Variants in TMTC1 observed in about 807,000 individuals in gnomAD.
TMTC1 encodes transmembrane O-mannosyltransferase targeting cadherins 1.
A neutral mutation model predicts 104.8 loss-of-function variants in TMTC1; 73 were observed. The ratio of observed to expected loss-of-function variants is 0.70; its 90% CI spans 0.58 to 0.85. TMTC1 has a LOEUF of 0.85. Among genes scored for constraint, TMTC1 ranks in the 40% least tolerant of loss-of-function variants. The probability of loss-of-function intolerance (pLI) is 0.00; values close to 1 mark genes in which losing one functional copy is unlikely to be tolerated. For synonymous variants in TMTC1, 434 were observed against 428.7 expected, an observed-to-expected ratio of 1.01 and a Z score of -0.15; for missense variants, 1,035 against 1,096.1, an observed-to-expected ratio of 0.94 and a Z score of 0.79.
chr12:29,583,382 T>C (rs1353875311), intron 8 of TMTC1, 25 bp downstream of exon 8: 5 of 1,596,290 alleles, frequency 3.1e-6, no homozygotes, highest in East Asian at 4.5e-5. Flanking sequence ...CAGGAAGATA[T>C]TTATTTTTAT....
chr12:29,586,705 G>A (rs1442444496), intron 7 of TMTC1, among the ~76,000 whole-genome samples: 1 of 148,358 alleles, frequency 6.7e-6, no homozygotes, highest in Admixed American at 6.6e-5. Flanking sequence ...TGTGGTTTTT[G>A]TCTTTGGTTC....
chr12:29,530,663 C>T (rs1250862440), intron 11 of TMTC1, among the ~76,000 whole-genome samples: 1 of 152,212 alleles, frequency 6.6e-6, no homozygotes, highest in Non-Finnish European at 1.5e-5. Flanking sequence ...TGCCCTTCCT[C>T]CTTCAAAGCA....
chr12:29,502,376 A>G lies in TMTC1; in HGVS notation c.*4470T>C, dbSNP rs1943613109. The G allele has an allele frequency of 6.6e-6, 1 of 151,862 alleles. No individual in the cohort carries two copies. The highest frequency in any genetic ancestry group is 2.1e-4 in the South Asian group (1 of 4,824). The allele number at this position is 151,862 out of a possible 1,614,324, so 9.4% of individuals were successfully genotyped here. On this transcript the variant is annotated 3_prime_UTR_variant, in exon 18 of 18. Coordinates refer to ENST00000539277, the MANE Select transcript of TMTC1 (RefSeq NM_001193451.2). The stretch of plus-strand genomic sequence containing the variant: ...TCAAAAACAGATTCTAACAAGTACA[A>G]AGAAATAATTAACAAAAGCTCATGT...
chr12:29,511,476 T>C (rs1943835868), intron 17 of TMTC1, among the ~76,000 whole-genome samples: 1 of 152,144 alleles, frequency 6.6e-6, no homozygotes, highest in Non-Finnish European at 1.5e-5. Flanking sequence ...TTCATTGCAT[T>C]AGTTACAGAT....
chr12:29,538,125 T>C (rs1291768647), intron 10 of TMTC1, among the ~76,000 whole-genome samples: 4 of 152,152 alleles, frequency 2.6e-5, no homozygotes, highest in Non-Finnish European at 4.4e-5. Context: ...GGATTGTCCT[T>C]GGGATGGCTT....
In TMTC1 at chr12:29,516,429, T is replaced by A. The variant is rs761819652; in HGVS notation, c.2227A>T (p.Ile743Phe). 3.1e-6 allele frequency: 5 copies of A among 1,613,946 alleles called. No homozygotes were observed. Among genetic ancestry groups the A allele is most frequent in the Middle Eastern group, 1.6e-4 (1 of 6,084 alleles). The change falls in exon 15 of 18, where the codon ATT becomes TTT. Residue 743 changes from isoleucine to phenylalanine, a missense_variant. Transcript: ENST00000539277. ...TKEAEKMTNH[I>F]VSEETGCLEC... is the part of the protein sequence containing the mutation. ...AGGCATCCGGTCTCCTCTGACACAA[T>A]GTGATTGGTCATCTTTTCAGCTTCT...
chr12:29,582,500 A>G (rs554339630), intron 8 of TMTC1, among the ~76,000 whole-genome samples: 1 of 152,336 alleles, frequency 6.6e-6, no homozygotes, highest in East Asian at 1.9e-4. Context: ...TTTGATGTGT[A>G]CATCCAAAAA....
In TMTC1 at chr12:29,516,412, G is replaced by A. The variant is rs749667896; in HGVS notation, c.2244C>T (p.Thr748=). The change falls in exon 15 of 18, where the codon ACC becomes ACT. Residue 748 remains threonine, a synonymous_variant. Coordinates refer to ENST00000539277, the MANE Select transcript of TMTC1 (RefSeq NM_001193451.2). ...KMTNHIVSEE[T]GCLECYRLLS... The stretch of plus-strand genomic sequence containing the variant: ...AGAGGCGATAGCATTCAAGGCATCC[G>A]GTCTCCTCTGACACAATGTGATTGG... The A allele has an allele frequency of 2.2e-5, 36 of 1,613,806 alleles. No individual in the cohort carries two copies. The highest frequency in any genetic ancestry group is 3.3e-5 in the South Asian group (3 of 91,074).
rs143546206 is a variant in TMTC1, at chr12:29,755,709, G to A, written c.731C>T (p.Ser244Leu). The change falls in exon 4 of 18, where the codon TCG becomes TTG. Residue 244 changes from serine (S) to leucine (L), a missense_variant and splice_region_variant. By Grantham distance (145) the Ser-to-Leu change is moderately radical. Transcript: ENST00000539277. ...LFSLSNKQDK[S>L]SNGALCPRSP... The stretch of plus-strand genomic sequence containing the variant: ...ATATCAAAACTGTAAAATGACTTAC[G>A]ACTTGTCTTGCTTGTTGGAAAGGGA... 6.8e-5 allele frequency: 110 copies of A among 1,611,664 alleles called. No individual in the cohort carries two copies. Among genetic ancestry groups the A allele is most frequent in the Admixed American group, 2.2e-4 (13 of 59,738 alleles).
intron 7 of TMTC1, among the ~76,000 whole-genome samples, chr12:29,600,009 T>TATATATATATATATATATA (rs1555174500): frequency 8.4e-5 from 6 of 71,740 alleles, no homozygotes; most frequent in African/African-American, 2.3e-4. Context: ...TATATATATA[T>TATATATATATATATATATA]TTTTTTTTTT....
Position 29,517,565 on chromosome 12 carries a change from C to A in TMTC1, c.2031G>T (p.Leu677=). The change falls in exon 14 of 18, where the codon CTG becomes CTT. Residue 677 remains leucine (L), a synonymous_variant. Transcript: ENST00000539277. ...SMAEEWYKRA[L]QVAHKAEILS... ...ATATCTCAGCTTTGTGTGCCACCTG[C>A]AGGGCGCTGAGTTTGGAGAAAATCT... 2 of 1,614,112 alleles carry A rather than the reference C, an allele frequency of 1.2e-6. No individual in the cohort carries two copies. Among genetic ancestry groups the A allele is most frequent in the Non-Finnish European group, 1.7e-6 (2 of 1,179,990 alleles).
intron 5 of TMTC1, among the ~76,000 whole-genome samples, chr12:29,691,166 A>C (rs890568101): frequency 1.3e-5 from 2 of 152,154 alleles, no homozygotes; most frequent in African/African-American, 2.4e-5. Context: ...AACCTCCCCA[A>C]ATTGCTCCTG....
At chr12:29,606,673 C>A (rs1234084378) in intron 6 of TMTC1, among the ~76,000 whole-genome samples, 3 of 152,120 alleles carry the variant, frequency 2.0e-5, no homozygotes, top group Non-Finnish European at 4.4e-5. Context: ...CAGGTATAAA[C>A]AGAACAATGA....
In TMTC1 at chr12:29,759,262, G is replaced by A. The variant is rs532497021; in HGVS notation, c.481-485C>T. On this transcript the variant is annotated intron_variant, in intron 2 of 17. Coordinates refer to ENST00000539277, the MANE Select transcript of TMTC1 (RefSeq NM_001193451.2). ...TGTAATCTCAGCACTTTGGAAGGCCGAGGCTGGCGGAACACTTGAGTTAAC... is the reference window on the plus strand; with the variant it reads ...TGTAATCTCAGCACTTTGGAAGGCCAAGGCTGGCGGAACACTTGAGTTAAC... Among the ~76,000 whole-genome samples the A allele has an allele frequency of 2.6e-5, 4 of 152,286 alleles. No individual in the cohort carries two copies. In the South Asian group the frequency reaches 6.2e-4, roughly 24 times the overall value.
intron 5 of TMTC1, among the ~76,000 whole-genome samples, chr12:29,701,895 T>C (rs146466833): frequency 6.6e-6 from 1 of 152,272 alleles, no homozygotes; most frequent in Non-Finnish European, 1.5e-5. Flanking sequence ...GTAAGGTAGG[T>C]CCATGAAAAT....
At chr12:29,514,647 T>A (rs1281997747) in intron 15 of TMTC1, 43 bp from the exon 16 acceptor site, 1 of 1,578,210 alleles carries the variant, frequency 6.3e-7, no homozygotes, top group Non-Finnish European at 8.6e-7. Flanking sequence ...GCAGATTAGG[T>A]AAAGAAAAAC....
In TMTC1 at chr12:29,504,138, G is replaced by C. The variant is rs1179882723; in HGVS notation, c.*2708C>G. On this transcript the variant is annotated 3_prime_UTR_variant, in exon 18 of 18. Transcript: ENST00000539277. ...TCAAACAGACATTCAACTGAGCTCG[G>C]GGTGCTTCTGTATGCAAGGCCCTGT... 1 of 151,350 alleles carries C rather than the reference G, an allele frequency of 6.6e-6. No individual in the cohort carries two copies. Among genetic ancestry groups the C allele is most frequent in the East Asian group, 1.9e-4 (1 of 5,164 alleles). 9.4% of individuals were successfully genotyped at this position (151,350 alleles called of 1,614,324 possible).
chr12:29,691,556 T>C (rs1941267414), intron 5 of TMTC1, among the ~76,000 whole-genome samples: 1 of 126,854 alleles, frequency 7.9e-6, no homozygotes, highest in Non-Finnish European at 1.7e-5. Flanking sequence ...GTGAAACCCG[T>C]TGGGTGGTTA....
Position 29,707,227 on chromosome 12 carries a change from T to C in TMTC1, c.938+44439A>G, listed in dbSNP as rs1941771252. Among the ~76,000 whole-genome samples the C allele has an allele frequency of 3.9e-5, 6 of 152,318 alleles. No homozygotes were observed. The South Asian group carries it at 1.2e-3, about 32-fold the overall frequency. On this transcript the variant is annotated intron_variant, in intron 5 of 17. Transcript: ENST00000539277. Reference sequence around the variant, plus strand: ...CTCAAGCCCCTTCCTTGGATCTGCTTCTGCCCCCACTACTACCATGTTGGT... The same window carrying C: ...CTCAAGCCCCTTCCTTGGATCTGCTCCTGCCCCCACTACTACCATGTTGGT...
Sources: allele counts gnomAD v4.1 joint callset (sites outside exome capture counted in the v4.1 genomes callset), GRCh38; gene constraint gnomAD v4.1.1; transcripts MANE v1.5; gene names NCBI Gene and HGNC (gene_info 2026-07-23, HGNC 2026-07-21).